Variants in ATRNL1 observed in about 807,000 individuals in gnomAD.
The protein encoded by ATRNL1 is attractin-like protein 1.
A neutral mutation model predicts 182.7 loss-of-function variants in ATRNL1; 95 were observed. The ratio of observed to expected loss-of-function variants is 0.52; its 90% CI spans 0.44 to 0.62. The LOEUF (loss-of-function observed/expected upper bound fraction) is 0.62. Among genes scored for constraint, ATRNL1 ranks in the 20% least tolerant of loss-of-function variants. The pLI is 0.00. For missense variants in ATRNL1, 1,471 were observed against 1,679.5 expected, an observed-to-expected ratio of 0.88 and a Z score of 2.17; for synonymous variants, 576 against 568.3, an observed-to-expected ratio of 1.01 and a Z score of -0.19.
intron 24 of ATRNL1, among the ~76,000 whole-genome samples, chr10:115,511,859 C>G (rs1289312089): frequency 4.6e-5 from 7 of 151,736 alleles, no homozygotes; most frequent in Admixed American, 4.6e-4. Flanking sequence ...TTTCAGCTAA[C>G]TTAATTTTTA....
At chr10:115,525,772 G>A (rs1592785762) in intron 25 of ATRNL1, among the ~76,000 whole-genome samples, 1 of 152,040 alleles carries the variant, frequency 6.6e-6, no homozygotes, top group Non-Finnish European at 1.5e-5. Flanking sequence ...CCTCAGTAGG[G>A]TATTACATCT....
At chr10:115,654,728 T>G (rs1375218048) in intron 26 of ATRNL1, among the ~76,000 whole-genome samples, 1 of 152,162 alleles carries the variant, frequency 6.6e-6, no homozygotes, top group African/African-American at 2.4e-5. Flanking sequence ...TCATTTTTAT[T>G]ATTGCTGCAG....
intron 27 of ATRNL1, among the ~76,000 whole-genome samples, chr10:115,781,154 A>G (rs1279353497): frequency 2.0e-5 from 3 of 152,216 alleles, no homozygotes; most frequent in African/African-American, 7.2e-5. Context: ...CCACAATGCA[A>G]TGCCATTACA....
At chr10:115,653,371 A>G (rs1200109883) in intron 26 of ATRNL1, among the ~76,000 whole-genome samples, 1 of 152,040 alleles carries the variant, frequency 6.6e-6, no homozygotes, top group African/African-American at 2.4e-5. Context: ...GATCACAGTA[A>G]TCTCCTTAGG....
At chr10:115,921,979 A>G (rs782248921) in intron 28 of ATRNL1, among the ~76,000 whole-genome samples, 3 of 152,178 alleles carry the variant, frequency 2.0e-5, no homozygotes, top group Non-Finnish European at 1.5e-5. Flanking sequence ...TCCCTGCCTT[A>G]GGGATTGTTG....
chr10:115,167,348 T>C (rs975079265), intron 7 of ATRNL1, among the ~76,000 whole-genome samples: 5 of 152,200 alleles, frequency 3.3e-5, no homozygotes, highest in South Asian at 2.1e-4. Flanking sequence ...CTTCCTACTT[T>C]GTTTTTATTT....
At chr10:115,899,121 G>T (rs921047623) in intron 28 of ATRNL1, among the ~76,000 whole-genome samples, 1 of 151,880 alleles carries the variant, frequency 6.6e-6, no homozygotes, top group Non-Finnish European at 1.5e-5. Flanking sequence ...CCCACCCCAC[G>T]ACAGGCCCTG....
At chr10:115,698,121 A>G (rs1430805846) in intron 26 of ATRNL1, among the ~76,000 whole-genome samples, 2 of 152,186 alleles carry the variant, frequency 1.3e-5, no homozygotes, top group African/African-American at 4.8e-5. Context: ...ATTTGGCTGT[A>G]CAACAATCAG....
At chr10:115,578,579 T>C (rs1854870385) in intron 26 of ATRNL1, among the ~76,000 whole-genome samples, 1 of 151,656 alleles carries the variant, frequency 6.6e-6, no homozygotes, top group Non-Finnish European at 1.5e-5. Flanking sequence ...ATTTCTGAGG[T>C]ATCCCTTATA....
chr10:115,772,853 C>A (rs1251224982), intron 27 of ATRNL1, among the ~76,000 whole-genome samples: 3 of 152,088 alleles, frequency 2.0e-5, no homozygotes, highest in Admixed American at 1.3e-4. Context: ...CTGCATGATT[C>A]AGCTGTACTG....
chr10:115,271,511 T>C (rs2133897226), intron 13 of ATRNL1, among the ~76,000 whole-genome samples: 1 of 152,058 alleles, frequency 6.6e-6, no homozygotes, highest in South Asian at 2.1e-4. Flanking sequence ...AGCCATCCCG[T>C]TACTGGATAT....
chr10:115,888,475 G>C (rs1254549733), intron 28 of ATRNL1, among the ~76,000 whole-genome samples: 2 of 152,088 alleles, frequency 1.3e-5, no homozygotes, highest in Non-Finnish European at 2.9e-5. Flanking sequence ...CTTCATGAGT[G>C]GTTCTTCCAG....
chr10:115,162,913 C>A (rs933124008), intron 6 of ATRNL1, among the ~76,000 whole-genome samples: 3 of 151,652 alleles, frequency 2.0e-5, no homozygotes, highest in Non-Finnish European at 2.9e-5. Context: ...AAAATGAAGA[C>A]TGAAAACTGG....
chr10:115,386,568 C>T (rs1321400634), intron 19 of ATRNL1, among the ~76,000 whole-genome samples: 1 of 152,132 alleles, frequency 6.6e-6, no homozygotes. Context: ...CTTGAGTCAA[C>T]ACCAGTAGAA....
chr10:115,166,793 T>G (rs571825365), intron 7 of ATRNL1, among the ~76,000 whole-genome samples: 11 of 152,178 alleles, frequency 7.2e-5, no homozygotes, highest in African/African-American at 2.6e-4. Flanking sequence ...TATATTATGG[T>G]ATTAACACCT....
intron 26 of ATRNL1, among the ~76,000 whole-genome samples, chr10:115,650,785 T>G (rs1281595000): frequency 2.0e-5 from 3 of 152,048 alleles, no homozygotes; most frequent in Non-Finnish European, 4.4e-5. Context: ...TATGGAGTGT[T>G]GTGTTGTTCA....
At chr10:115,859,905 C>T (rs955037565) in intron 28 of ATRNL1, among the ~76,000 whole-genome samples, 23 of 152,156 alleles carry the variant, frequency 1.5e-4, no homozygotes, top group African/African-American at 5.5e-4. Context: ...TCTCTAAGAG[C>T]TTGTAGGGAA....
intron 26 of ATRNL1, among the ~76,000 whole-genome samples, chr10:115,618,925 A>T (rs1469506782): frequency 4.6e-5 from 7 of 152,124 alleles, no homozygotes; most frequent in African/African-American, 1.7e-4. Context: ...ATGTCTGTGC[A>T]TCTGGTGTAA....
intron 19 of ATRNL1, among the ~76,000 whole-genome samples, chr10:115,360,155 A>C (rs2134153414): frequency 6.6e-6 from 1 of 151,862 alleles, no homozygotes; most frequent in Non-Finnish European, 1.5e-5. Context: ...CCAAAAAGAA[A>C]AAAATAACTA....
Sources: allele counts gnomAD v4.1 joint callset (sites outside exome capture counted in the v4.1 genomes callset), GRCh38; gene constraint gnomAD v4.1.1; transcripts MANE v1.5; gene names NCBI Gene and HGNC (gene_info 2026-07-23, HGNC 2026-07-21).